WDSUB1: variants seen among roughly 807,000 people sequenced by gnomAD.
WDSUB1 encodes the protein WD repeat, SAM and U-box domain-containing protein 1.
WDSUB1 carries 49 observed loss-of-function variants against 53.9 expected under a neutral mutation model. That is an observed-to-expected ratio of 0.91 (90% CI 0.72 to 1.15). The LOEUF is 1.15. Among genes scored for constraint, WDSUB1 ranks in the 50% most tolerant of loss-of-function variants. The pLI is 0.00. For synonymous variants in WDSUB1, 194 were observed against 200.6 expected (o/e 0.97, Z 0.28); for missense variants, 514 against 562.0 (o/e 0.91, Z 0.86).
intron 4 of WDSUB1, among the ~76,000 whole-genome samples, chr2:159,274,798 T>C (rs929905993): frequency 3.9e-5 from 6 of 152,102 alleles, no homozygotes; most frequent in Non-Finnish European, 7.4e-5. Context: ...GGGACTCAAC[T>C]GCAAACAAAG....
chr2:159,238,059 TTTTTGCC>T (rs1462295875), intron 10 of WDSUB1, among the ~76,000 whole-genome samples: 5 of 152,204 alleles, frequency 3.3e-5, no homozygotes, highest in Non-Finnish European at 7.3e-5. Flanking sequence ...AACTCCTGGA[TTTTTGCC>T]AGTCTCTAGG....
chr2:159,258,100 T>A, intron 6 of WDSUB1, 115 bp from the exon 7 acceptor site: 1 of 865,848 alleles, frequency 1.2e-6, no homozygotes, highest in Non-Finnish European at 1.8e-6. Flanking sequence ...TATTTATTAG[T>A]AACTAACATA....
Position 159,257,929 on chromosome 2 carries a change from G to A in WDSUB1, c.845+16C>T. 1.9e-6 allele frequency: 3 copies of A among 1,612,450 alleles called. No individual in the cohort carries two copies. Among genetic ancestry groups the A allele is most frequent in the Non-Finnish European group, 2.5e-6 (3 of 1,178,708 alleles). On this transcript the variant is annotated intron_variant, in intron 7 of 10. Transcript: ENST00000359774. ...TTTTTAAATTATATTAATACAAGGT[G>A]AGGTTAAGTTCAGACCTGGTGTGCT...
At chr2:159,281,510 T>C (rs996434236) in intron 2 of WDSUB1, among the ~76,000 whole-genome samples, 23 of 151,214 alleles carry the variant, frequency 1.5e-4, no homozygotes, top group Admixed American at 5.3e-4. Flanking sequence ...GTAAATTAAT[T>C]GGTTTTTTCC....
At chr2:159,278,024 A>G (rs1201429738) in intron 3 of WDSUB1, among the ~76,000 whole-genome samples, 2 of 152,184 alleles carry the variant, frequency 1.3e-5, no homozygotes, top group Non-Finnish European at 1.5e-5. Flanking sequence ...ATGCAGGACA[A>G]AAAAGCCCTT....
intron 5 of WDSUB1, among the ~76,000 whole-genome samples, chr2:159,266,548 G>A (rs1449775266): frequency 6.6e-6 from 1 of 152,132 alleles, no homozygotes; most frequent in African/African-American, 2.4e-5. Context: ...AAGAACCACT[G>A]ACCTAAATCA....
intron 1 of WDSUB1, among the ~76,000 whole-genome samples, chr2:159,285,567 G>T (rs974033044): frequency 8.5e-5 from 13 of 152,230 alleles, no homozygotes; most frequent in African/African-American, 3.1e-4. Context: ...TTAGCTGGGT[G>T]TGGTGGCGAG....
At chr2:159,266,847 C>T (rs1486160743) in intron 5 of WDSUB1, among the ~76,000 whole-genome samples, 2 of 152,094 alleles carry the variant, frequency 1.3e-5, no homozygotes, top group Admixed American at 1.3e-4. Flanking sequence ...GATTGTGGCT[C>T]ACTGCAGCCT....
At chr2:159,274,002 T>G (rs2061492128) in intron 4 of WDSUB1, among the ~76,000 whole-genome samples, 1 of 152,078 alleles carries the variant, frequency 6.6e-6, no homozygotes, top group South Asian at 2.1e-4. Flanking sequence ...AATTTCAGAT[T>G]CCCCATGAAA....
Position 159,275,568 on chromosome 2 carries a change from A to G in WDSUB1, c.654T>C (p.Ile218=). The G allele has an allele frequency of 6.2e-7, 1 of 1,605,000 alleles. No homozygotes were observed. Among genetic ancestry groups the G allele is most frequent in the Non-Finnish European group, 8.5e-7 (1 of 1,177,644 alleles). The part of the protein sequence containing the change: ...CGQDCQVKIW[I]VSFTHILGFE... ...TACCTAAGATATGGGTAAAAGAAAC[A>G]ATCCAAATTTTGACTTGGCAATCCT... Residue 218 remains isoleucine (I), a synonymous_variant, in exon 4 of 11, where the codon ATT becomes ATC. Transcript: ENST00000359774.
At chr2:159,236,269 C>T in intron 10 of WDSUB1, 79 bp from the exon 11 acceptor site, 1 of 1,405,408 alleles carries the variant, frequency 7.1e-7, no homozygotes, top group South Asian at 1.4e-5. Flanking sequence ...AATGTAAAAA[C>T]TCCCTGCAGA....
chr2:159,263,420 G>A (rs7565046), intron 5 of WDSUB1, among the ~76,000 whole-genome samples: 4,387 of 152,244 alleles, frequency 0.029, 194 homozygotes, highest in African/African-American at 0.094. Context: ...TGAGGTGAGG[G>A]GAGAGAATGA....
chr2:159,259,059 T>C (rs1484743195), intron 6 of WDSUB1, among the ~76,000 whole-genome samples: 2 of 152,178 alleles, frequency 1.3e-5, no homozygotes, highest in African/African-American at 2.4e-5. Context: ...GGTCTCACTC[T>C]GTTGCCCAGG....
Position 159,236,049 on chromosome 2 carries a change from T to G in WDSUB1, c.1415A>C (p.Glu472Ala). ...TLKMAINRWL[E>A]THQK ...TCAACAATTTTACTTTTGGTGTGTC[T>G]CCAGCCATCTATTGATGGCCATTTT... Residue 472 changes from glutamate to alanine, a missense_variant, in exon 11 of 11, where the codon GAG (glutamate) becomes GCG (alanine). Glu to Ala is a moderately radical substitution (Grantham distance 107, BLOSUM62 -1). Coordinates refer to ENST00000359774, the MANE Select transcript of WDSUB1 (RefSeq NM_001128212.3). 1 of 1,606,084 alleles carries G rather than the reference T, an allele frequency of 6.2e-7. No individual in the cohort carries two copies. The highest frequency in any genetic ancestry group is 1.1e-5 in the South Asian group (1 of 87,834).
At position 159,235,875 on chromosome 2, in the gene WDSUB1, T is replaced by C; in HGVS notation, c.*158A>G. ...AAAAGGCTTTTATAGTAAGTCCATG[T>C]GTTTTTTAAAGAATGAAAATTGACA... On this transcript the variant is annotated 3_prime_UTR_variant, in exon 11 of 11. Transcript: ENST00000359774. 1 of 579,310 alleles carries C rather than the reference T, an allele frequency of 1.7e-6. No homozygotes were observed. The highest frequency in any genetic ancestry group is 2.6e-6 in the Non-Finnish European group (1 of 390,386). The allele number at this position is 579,310 out of a possible 1,614,324, so 35.9% of individuals were successfully genotyped here.
chr2:159,248,067 A>G (rs2060858959), intron 10 of WDSUB1, among the ~76,000 whole-genome samples: 1 of 150,560 alleles, frequency 6.6e-6, no homozygotes, highest in Non-Finnish European at 1.5e-5. Context: ...AATTCATGAT[A>G]GACAAACACA....
intron 10 of WDSUB1, among the ~76,000 whole-genome samples, chr2:159,248,028 TAATTA>T (rs1417741469): frequency 1.6e-4 from 24 of 148,806 alleles, no homozygotes; most frequent in African/African-American, 3.4e-4. Flanking sequence ...TACAACTTTA[TAATTA>T]AATTCTTTGT....
chr2:159,273,711 C>T (rs554729256), intron 4 of WDSUB1, among the ~76,000 whole-genome samples: 6 of 152,288 alleles, frequency 3.9e-5, no homozygotes, highest in Admixed American at 2.0e-4. Flanking sequence ...TGAGCCACCA[C>T]GCCCAGCCTT....
intron 10 of WDSUB1, among the ~76,000 whole-genome samples, chr2:159,245,660 G>T (rs2060778487): frequency 6.6e-6 from 1 of 152,088 alleles, no homozygotes; most frequent in African/African-American, 2.4e-5. Context: ...AAACATGCCA[G>T]GTAATTCATT....
Sources: gnomAD v4.1 joint callset for allele counts (sites outside exome capture counted in the v4.1 genomes callset) on GRCh38, gnomAD v4.1.1 for gene constraint, MANE v1.5 for transcripts, NCBI Gene and HGNC (gene_info 2026-07-23, HGNC 2026-07-21) for gene names.